CADPS2: variants seen among roughly 807,000 people sequenced by gnomAD.
The protein encoded by CADPS2 is calcium-dependent secretion activator 2.
CADPS2 carries 93 observed loss-of-function variants against 172.5 expected under a neutral mutation model. The ratio of observed to expected loss-of-function variants is 0.54; its 90% confidence interval spans 0.46 to 0.64. The LOEUF is 0.64. Ranked by LOEUF, CADPS2 falls within the 30% of genes least tolerant of loss-of-function variation. The probability of loss-of-function intolerance (pLI) is 0.00; values close to 1 mark genes in which losing one functional copy is unlikely to be tolerated. For missense variants in CADPS2, 1,420 were observed against 1,565.9 expected, an observed-to-expected ratio of 0.91 and a Z score of 1.57; for synonymous variants, 546 against 555.2, an observed-to-expected ratio of 0.98 and a Z score of 0.23.
At chr7:122,486,573 A>C (rs1490081074) in intron 11 of CADPS2, among the ~76,000 whole-genome samples, 2 of 152,208 alleles carry the variant, frequency 1.3e-5, no homozygotes, top group African/African-American at 4.8e-5. Flanking sequence ...TTTGAGATGG[A>C]ATCTACTTCT....
rs1398966428 is a variant in CADPS2 at position 122,705,435 on chromosome 7, GTAATA to G, written c.453+31515_453+31519del. Among the ~76,000 whole-genome samples, 14 of 134,172 alleles carry G rather than the reference GTAATA, an allele frequency of 1.0e-4. No individual in the cohort carries two copies. In the South Asian group the frequency reaches 1.8e-3, roughly 17 times the overall value. The allele number at this position is 134,172 out of a possible 152,430, so 88.0% of individuals were successfully genotyped here. On this transcript the variant is annotated intron_variant, in intron 2 of 29. Transcript: ENST00000449022. ...TATTAGTAGAGATAATATATAATATGTAATATAATATTATATATTATCTATATTAT... is the reference window on the plus strand; with the variant it reads ...TATTAGTAGAGATAATATATAATATGTAATATTATATATTATCTATATTAT...
chr7:122,824,875 C>A (rs894651503), intron 1 of CADPS2, among the ~76,000 whole-genome samples: 1 of 152,158 alleles, frequency 6.6e-6, no homozygotes, highest in Non-Finnish European at 1.5e-5. Flanking sequence ...CTAGTTTTAT[C>A]TTTCTCCATA....
At chr7:122,393,988 G>A (rs756483466) in intron 20 of CADPS2, among the ~76,000 whole-genome samples, 2 of 152,120 alleles carry the variant, frequency 1.3e-5, no homozygotes, top group African/African-American at 2.4e-5. Context: ...TATCACAGAG[G>A]AGCTAAACCT....
At chr7:122,872,017 T>G (rs536459743) in intron 1 of CADPS2, among the ~76,000 whole-genome samples, 13 of 152,202 alleles carry the variant, frequency 8.5e-5, no homozygotes, top group African/African-American at 3.1e-4. Context: ...TTAACTCTTG[T>G]GCCCAAATCT....
intron 17 of CADPS2, among the ~76,000 whole-genome samples, chr7:122,433,025 T>C (rs1358434847): frequency 6.6e-6 from 1 of 152,134 alleles, no homozygotes; most frequent in Non-Finnish European, 1.5e-5. Context: ...CCACGCTGGA[T>C]TGCAGTGGCA....
intron 1 of CADPS2, among the ~76,000 whole-genome samples, chr7:122,766,075 C>T (rs2093542606): frequency 6.6e-6 from 1 of 152,094 alleles, no homozygotes; most frequent in Admixed American, 6.6e-5. Context: ...TGCTTCAACT[C>T]ATGGTAGGGA....
intron 2 of CADPS2, among the ~76,000 whole-genome samples, chr7:122,735,564 C>T (rs376859181): frequency 9.2e-5 from 14 of 152,048 alleles, no homozygotes; most frequent in East Asian, 5.8e-4. Context: ...CATCATACTA[C>T]GCTTACTTTT....
chr7:122,747,598 T>A (rs572872913), intron 1 of CADPS2, among the ~76,000 whole-genome samples: 1 of 152,234 alleles, frequency 6.6e-6, no homozygotes, highest in African/African-American at 2.4e-5. Context: ...CAGCTCCCTA[T>A]AAGGTGGGTT....
intron 1 of CADPS2, among the ~76,000 whole-genome samples, chr7:122,822,732 T>G (rs1324135944): frequency 6.6e-6 from 1 of 151,804 alleles, no homozygotes; most frequent in South Asian, 2.1e-4. Flanking sequence ...AGTGATGACA[T>G]TACCTTGTGA....
chr7:122,593,306 G>GA (rs935582244), intron 6 of CADPS2, among the ~76,000 whole-genome samples: 30 of 151,934 alleles, frequency 2.0e-4, no homozygotes, highest in African/African-American at 7.0e-4. Flanking sequence ...AAACATTGTG[G>GA]AAAAAAGACC....
chr7:122,450,606 T>A (rs1444145291), intron 15 of CADPS2, among the ~76,000 whole-genome samples: 3 of 139,778 alleles, frequency 2.1e-5, no homozygotes, highest in Middle Eastern at 4.0e-3. Flanking sequence ...CATAGCTCAC[T>A]GCAGCCTCGA....
rs575011549 is a variant in CADPS2 at position 122,355,186 on chromosome 7, C to G, written c.3504+5602G>C. 2.6e-5 allele frequency among the ~76,000 whole-genome samples: 4 copies of G among 152,276 alleles called. No homozygotes were observed. In the East Asian group the frequency reaches 7.7e-4, roughly 29 times the overall value. ...TGCTATAATTATAAGGAATATCTGA[C>G]AAGTATGTTCTAGGAACATGAATTC... On this transcript the variant is annotated intron_variant, in intron 27 of 29. Coordinates refer to ENST00000449022, the MANE Select transcript of CADPS2 (RefSeq NM_017954.11).
At chr7:122,400,456 AAAAAC>A (rs2045807182) in intron 20 of CADPS2, among the ~76,000 whole-genome samples, 1 of 152,082 alleles carries the variant, frequency 6.6e-6, no homozygotes, top group South Asian at 2.1e-4. Flanking sequence ...AAACAAAAAC[AAAAAC>A]AAAACAAAAC....
intron 27 of CADPS2, among the ~76,000 whole-genome samples, chr7:122,353,900 A>G (rs1338180554): frequency 6.6e-6 from 1 of 152,132 alleles, no homozygotes; most frequent in African/African-American, 2.4e-5. Context: ...ATACAGGCTC[A>G]GGCTGTTCCT....
intron 18 of CADPS2, among the ~76,000 whole-genome samples, chr7:122,414,862 G>A (rs1227621342): frequency 2.0e-5 from 3 of 152,118 alleles, no homozygotes; most frequent in African/African-American, 7.2e-5. Context: ...CAAAAATTCT[G>A]TAAACTCACA....
chr7:122,521,111 C>A (rs1177261924), intron 8 of CADPS2, among the ~76,000 whole-genome samples: 2 of 151,964 alleles, frequency 1.3e-5, no homozygotes, highest in Admixed American at 6.6e-5. Flanking sequence ...GTAGTTTAGT[C>A]CTGGAAAGGG....
chr7:122,758,457 CTTATT>C (rs2093255987), intron 1 of CADPS2, among the ~76,000 whole-genome samples: 2 of 152,152 alleles, frequency 1.3e-5, no homozygotes, highest in African/African-American at 4.8e-5. Flanking sequence ...AATCTCACAT[CTTATT>C]TTAAAGGCCT....
At chr7:122,480,547 A>T (rs1483165377) in intron 12 of CADPS2, among the ~76,000 whole-genome samples, 2 of 152,204 alleles carry the variant, frequency 1.3e-5, no homozygotes, top group Admixed American at 6.5e-5. Flanking sequence ...TGAAAATAAT[A>T]CCGCATGTAT....
intron 19 of CADPS2, among the ~76,000 whole-genome samples, chr7:122,411,426 G>A (rs1038595396): frequency 4.6e-5 from 7 of 151,620 alleles, no homozygotes; most frequent in Admixed American, 2.0e-4. Context: ...CGCCATGTTC[G>A]CCAGGCTGAC....
Sources: gnomAD v4.1 joint callset for allele counts (sites outside exome capture counted in the v4.1 genomes callset) on GRCh38, gnomAD v4.1.1 for gene constraint, MANE v1.5 for transcripts, NCBI Gene and HGNC (gene_info 2026-07-23, HGNC 2026-07-21) for gene names.